Variants in AGAP2 observed in about 807,000 individuals in gnomAD.
AGAP2 encodes the protein arf-GAP with GTPase, ANK repeat and PH domain-containing protein 2.
A neutral mutation model predicts 110.9 loss-of-function variants in AGAP2; 32 were observed. The ratio of observed to expected loss-of-function variants is 0.29; its 90% CI spans 0.22 to 0.39. AGAP2 has a LOEUF of 0.39. Ranked by LOEUF, AGAP2 falls within the 10% of genes least tolerant of loss-of-function variation. The probability of loss-of-function intolerance (pLI) is 1.00; values close to 1 mark genes in which losing one functional copy is unlikely to be tolerated. For synonymous variants in AGAP2, 702 were observed against 713.0 expected, an observed-to-expected ratio of 0.98 and a Z score of 0.25; for missense variants, 1,285 against 1,638.5, an observed-to-expected ratio of 0.78 and a Z score of 3.72.
chr12:57,741,130 A>G (rs1955071737), upstream of AGAP2, among the ~76,000 whole-genome samples: 1 of 152,176 alleles, frequency 6.6e-6, no homozygotes, highest in Non-Finnish European at 1.5e-5. Flanking sequence ...CCTCAGTGGT[A>G]GGGCCTTGTG....
intron 12 of AGAP2, 62 bp downstream of exon 12, chr12:57,730,433 A>G: frequency 6.3e-7 from 1 of 1,598,178 alleles, no homozygotes; most frequent in Non-Finnish European, 8.5e-7. Context: ...CCCCATATTC[A>G]TTTCCCACAC....
At position 57,734,350 on chromosome 12, in the gene AGAP2, A is replaced by G; in HGVS notation, c.1370T>C (p.Ile457Thr). ...ATCAGGTGCCCCAGCTTCCTCTCGG[A>G]TTAGCACCAGATGTGTCTGTCCATC... is the stretch of plus-strand genomic sequence containing the variant. Reference protein sequence around the residue: ...LVDGQTHLVLIREEAGAPDAK... With the variant: ...LVDGQTHLVLTREEAGAPDAK... The change falls in exon 4 of 19, where the codon ATC (isoleucine) becomes ACC (threonine). Residue 457 changes from isoleucine (I) to threonine (T), a missense_variant. By Grantham distance (89) the Ile-to-Thr change is moderately conservative. Coordinates refer to ENST00000547588, the MANE Select transcript of AGAP2 (RefSeq NM_001122772.3). 6.2e-7 allele frequency: 1 copy of G among 1,614,166 alleles called. No homozygotes were observed. The highest frequency in any genetic ancestry group is 2.2e-5 in the East Asian group (1 of 44,884).
chr12:57,736,968 C>T lies in AGAP2; in HGVS notation c.1168+111G>A, dbSNP rs531953413. ...GACAGAGGGGTGAGCTTGGTTCATCCGCCCACCCCAGAGAAAAGCTTCCCT... is the reference window on the plus strand; with the variant it reads ...GACAGAGGGGTGAGCTTGGTTCATCTGCCCACCCCAGAGAAAAGCTTCCCT... On this transcript the variant is annotated intron_variant, in intron 1 of 18. Transcript: ENST00000547588. 90 of 1,435,846 alleles carry T rather than the reference C, an allele frequency of 6.3e-5. No individual in the cohort carries two copies. In the South Asian group the frequency reaches 1.1e-3, roughly 17 times the overall value. The allele number at this position is 1,435,846 out of a possible 1,614,324, so 88.9% of individuals were successfully genotyped here. A position where few individuals can be genotyped will look rare whatever the true frequency, so the allele number is the denominator to read the frequency against.
At chr12:57,734,766 A>G (rs1954949435) in intron 2 of AGAP2, 87 bp from the exon 3 acceptor site, 15 of 1,247,850 alleles carry the variant, frequency 1.2e-5, no homozygotes, top group Non-Finnish European at 1.6e-5. Flanking sequence ...ACCCAGAGAG[A>G]TAAGTCATCC....
At chr12:57,728,135 G>T (rs770628586) in intron 14 of AGAP2, 50 bp from the exon 15 acceptor site, 3 of 1,556,338 alleles carry the variant, frequency 1.9e-6, no homozygotes, top group East Asian at 2.2e-5. Flanking sequence ...TCAAGCAGGG[G>T]CTGCCTTTCC....
In AGAP2 at chr12:57,728,197, G is replaced by A. The variant is rs895478745; in HGVS notation, c.2618-112C>T. 3 of 1,518,624 alleles carry A rather than the reference G, an allele frequency of 2.0e-6. No homozygotes were observed. The African/African-American group carries it at 4.1e-5, about 21-fold the overall frequency. 94.1% of individuals were successfully genotyped at this position (1,518,624 alleles called of 1,614,324 possible). ...CCGAGCCCCTGGGAGTGGGGCAGTG[G>A]GGGTAGGGAAAGCAGAGGGTGGGGG... On this transcript the variant is annotated intron_variant, in intron 14 of 18. Coordinates refer to ENST00000547588, the MANE Select transcript of AGAP2 (RefSeq NM_001122772.3).
At position 57,729,199 on chromosome 12, in the gene AGAP2, G is replaced by GA. The variant is rs1186860064; in HGVS notation, c.2557+439dup. The stretch of plus-strand genomic sequence containing the variant: ...TCAAAAAAAAAAAAAAAAAAGAAAA[G>GA]AAAAAAAAAAGAAAGAAAGTTATTG... On this transcript the variant is annotated intron_variant, in intron 13 of 18. Transcript: ENST00000547588. Among the ~76,000 whole-genome samples, 79 of 141,516 alleles carry GA rather than the reference G, an allele frequency of 5.6e-4. 1 individual carries two copies. Among genetic ancestry groups the GA allele is most frequent in the Middle Eastern group, 3.7e-3 (1 of 270 alleles). The allele number at this position is 141,516 out of a possible 152,430, so 92.8% of individuals were successfully genotyped here.
chr12:57,740,637 T>A (rs1955066372), upstream of AGAP2, among the ~76,000 whole-genome samples: 1 of 152,162 alleles, frequency 6.6e-6, no homozygotes, highest in Non-Finnish European at 1.5e-5. Flanking sequence ...ATCATTATTA[T>A]TTTTGAGAGG....
rs1024173705 is a variant in AGAP2, at chr12:57,738,284, C to T, written c.-38G>A. On this transcript the variant is annotated 5_prime_UTR_variant, in exon 1 of 19. Coordinates refer to ENST00000547588, the MANE Select transcript of AGAP2 (RefSeq NM_001122772.3). This position sits in a 1 kb window ranked among gnomAD's most constrained non-coding sequence, Gnocchi z 6.7. ...CCCCCGAGCTGGGGAGGGGAGGGGA[C>T]TCCCCCGGACTGCCTCAGGGGGGCC... is the stretch of plus-strand genomic sequence containing the variant. The T allele has an allele frequency of 6.9e-7, 1 of 1,453,424 alleles. No individual in the cohort carries two copies. The highest frequency in any genetic ancestry group is 9.0e-7 in the Non-Finnish European group (1 of 1,107,220). 90.0% of individuals were successfully genotyped at this position (1,453,424 alleles called of 1,614,324 possible). A position where few individuals can be genotyped will look rare whatever the true frequency, so the allele number is the denominator to read the frequency against.
At chr12:57,729,175 CAAAA>C (rs766183934) in intron 13 of AGAP2, among the ~76,000 whole-genome samples, 1 of 36,368 alleles carries the variant, frequency 2.7e-5, no homozygotes, top group Non-Finnish European at 5.9e-5. Flanking sequence ...GACTCCATCT[CAAAA>C]AAAAAAAAAA....
rs374184646 is a variant in AGAP2, at chr12:57,731,325, A to T, written c.2145+41T>A. 1.2e-5 allele frequency: 18 copies of T among 1,527,712 alleles called. No individual in the cohort carries two copies. The African/African-American group carries it at 2.3e-4, about 20-fold the overall frequency. The allele number at this position is 1,527,712 out of a possible 1,614,324, so 94.6% of individuals were successfully genotyped here. On this transcript the variant is annotated intron_variant, in intron 10 of 18. Transcript: ENST00000547588. ...GCATAGACAGGTAGAACTTGAGGGA[A>T]ATCCAAAGCTGGCCAATGTGGCCCA...
At chr12:57,741,873 C>T (rs190680311), upstream of AGAP2, 909 of 1,599,582 alleles carry the variant, frequency 5.7e-4, 8 homozygotes, top group African/African-American at 0.011. Flanking sequence ...ACCTGCTAGT[C>T]CCTGATACAC....
chr12:57,734,361 A>G lies in AGAP2; in HGVS notation c.1359T>C (p.His453=), dbSNP rs1409450762. ...CAGCTTCCTCTCGGATTAGCACCAG[A>G]TGTGTCTGTCCATCCACCAACATTT... ...KKEMLVDGQT[H]LVLIREEAGA... Residue 453 remains histidine (H), a synonymous_variant, in exon 4 of 19, where the codon CAT becomes CAC. Coordinates refer to ENST00000547588, the MANE Select transcript of AGAP2 (RefSeq NM_001122772.3). 5 of 1,614,166 alleles carry G rather than the reference A, an allele frequency of 3.1e-6. No individual in the cohort carries two copies. The highest frequency in any genetic ancestry group is 4.2e-6 in the Non-Finnish European group (5 of 1,180,022).
rs1223384696 is a variant in AGAP2 at position 57,725,776 on chromosome 12, T to C, written c.*776A>G. The C allele has an allele frequency of 1.4e-5, 2 of 140,620 alleles. No individual in the cohort carries two copies. Among genetic ancestry groups the C allele is most frequent in the Non-Finnish European group, 3.1e-5 (2 of 65,120 alleles). The allele number at this position is 140,620 out of a possible 1,614,324, so 8.7% of individuals were successfully genotyped here. A position where few individuals can be genotyped will look rare whatever the true frequency, so the allele number is the denominator to read the frequency against. ...GCCCCTGCCCGCCCCCATCCCCATG[T>C]TGGGGAACAAAGCAATAAATTACAA... On this transcript the variant is annotated 3_prime_UTR_variant, in exon 19 of 19. Coordinates refer to ENST00000547588, the MANE Select transcript of AGAP2 (RefSeq NM_001122772.3).
chr12:57,737,922 C>G lies in AGAP2; in HGVS notation c.325G>C (p.Gly109Arg). The G allele has an allele frequency of 4.3e-6, 6 of 1,389,678 alleles. No individual in the cohort carries two copies. The highest frequency in any genetic ancestry group is 5.5e-6 in the Non-Finnish European group (6 of 1,082,980). 86.1% of individuals were successfully genotyped at this position (1,389,678 alleles called of 1,614,324 possible). A position where few individuals can be genotyped will look rare whatever the true frequency, so the allele number is the denominator to read the frequency against. Residue 109 changes from glycine (G) to arginine (R), a missense_variant, in exon 1 of 19, where the codon GGC (glycine) becomes CGC (arginine). By Grantham distance (125) the Gly-to-Arg change is moderately radical. Transcript: ENST00000547588. This position sits in a 1 kb window ranked among gnomAD's most constrained non-coding sequence, Gnocchi z 5.9. ...ACGGCCCAGAGGGAGAGGCGGCGGC[C>G]GGGAGCGGGGGAGACTGGGCGGGCC... ...SPARPVSPAP[G>R]RRLSLWAVPP...
intron 1 of AGAP2, 100 bp downstream of exon 1, chr12:57,736,979 G>A: frequency 6.9e-7 from 1 of 1,440,394 alleles, no homozygotes; most frequent in Non-Finnish European, 9.1e-7. Context: ...GCCCACCCCA[G>A]AGAAAAGCTT....
At position 57,727,064 on chromosome 12, in the gene AGAP2, G is replaced by C. The variant is rs777926635; in HGVS notation, c.3246C>G (p.Leu1082=). Reference sequence around the variant, plus strand: ...GCTGTGGGTCCTCTACGCTGGTGTCGAGCGGCCCGTGTCGCGCATGGGCCA... The same window carrying C: ...GCTGTGGGTCCTCTACGCTGGTGTCCAGCGGCCCGTGTCGCGCATGGGCCA... ...LLLAHARHGP[L]DTSVEDPQLR... is the part of the protein sequence containing the mutation. The change falls in exon 18 of 19, where the codon CTC becomes CTG. Residue 1082 remains leucine (L), a synonymous_variant. Coordinates refer to ENST00000547588, the MANE Select transcript of AGAP2 (RefSeq NM_001122772.3). 3 of 1,600,196 alleles carry C rather than the reference G, an allele frequency of 1.9e-6. No homozygotes were observed. Among genetic ancestry groups the C allele is most frequent in the Non-Finnish European group, 1.7e-6 (2 of 1,174,344 alleles).
chr12:57,737,392 C>A lies in AGAP2; in HGVS notation c.855G>T (p.Pro285=). 3 of 1,613,824 alleles carry A rather than the reference C, an allele frequency of 1.9e-6. No homozygotes were observed. Among genetic ancestry groups the A allele is most frequent in the Non-Finnish European group, 2.5e-6 (3 of 1,179,818 alleles). The change falls in exon 1 of 19, where the codon CCG becomes CCT. Residue 285 remains proline, a synonymous_variant. Coordinates refer to ENST00000547588, the MANE Select transcript of AGAP2 (RefSeq NM_001122772.3). The surrounding 1 kb of genome is among the most constrained non-coding windows in gnomAD (Gnocchi z 5.9). ...TTAGCGGAGGAGGAGAGCCGGCAGG[C>A]GGTCCCGGATGCAAGTCACTGTTGT... ...TLDNSDLHPG[P]PAGSPPPLTL... is the part of the protein sequence containing the mutation.
At chr12:57,741,945 C>T, upstream of AGAP2, 3 of 1,614,148 alleles carry the variant, frequency 1.9e-6, no homozygotes, top group Middle Eastern at 3.3e-4. Flanking sequence ...TGGATGCTGT[C>T]CTGGAGTTCG....
Sources: gnomAD v4.1 joint callset for allele counts (sites outside exome capture counted in the v4.1 genomes callset) on GRCh38, gnomAD v4.1.1 for gene constraint, Gnocchi (gnomAD v3.1) non-coding constraint, MANE v1.5 for transcripts, NCBI Gene and HGNC (gene_info 2026-07-23, HGNC 2026-07-21) for gene names.